The following AVEN variants were observed in gnomAD, a reference collection of about 807,000 sequenced individuals.
AVEN encodes the protein cell death regulator Aven.
In AVEN, 41 loss-of-function variants were observed where a neutral mutation model predicts 38.1. The ratio of observed to expected loss-of-function variants is 1.08; its 90% CI spans 0.84 to 1.40. The LOEUF is 1.40. AVEN is among the 40% of genes most tolerant of loss of function. The pLI, the probability that AVEN is intolerant of heterozygous loss-of-function variation, is 0.00. For synonymous variants in AVEN, 206 were observed against 171.8 expected (o/e 1.20, Z -1.56); for missense variants, 605 against 438.8 (o/e 1.38, Z -3.38).
At chr15:33,879,279 A>G (rs529479865) in intron 2 of AVEN, among the ~76,000 whole-genome samples, 9 of 151,584 alleles carry the variant, frequency 5.9e-5, no homozygotes, top group Non-Finnish European at 1.0e-4. Flanking sequence ...GGAAATCATC[A>G]TTCTCAGTAA....
At position 34,025,764 on chromosome 15, in the gene AVEN, G is replaced by GTGTGTGTT. The variant is rs1898435915; in HGVS notation, c.267+13008_267+13015dup. ...TGTTTTGGTTTGGTTTTGCGTGTGT[G>GTGTGTGTT]TGTGTGTTTGTGTGTGTGTGCGCAT... On this transcript the variant is annotated intron_variant, in intron 1 of 5. Transcript: ENST00000306730. Among the ~76,000 whole-genome samples the GTGTGTGTT allele has an allele frequency of 2.6e-5, 4 of 152,108 alleles. No individual in the cohort carries two copies. In the South Asian group the frequency reaches 6.2e-4, roughly 24 times the overall value.
rs377321444 is a variant in AVEN at position 33,869,825 on chromosome 15, CTTTTTTT to C, written c.612+1103_612+1109del. ...AAAATCAGTACGTCCCAAGGTTTCACTTTTTTTTTTTTTTTTGATCGTGCCAGAATGT... is the reference window on the plus strand; with the variant it reads ...AAAATCAGTACGTCCCAAGGTTTCACTTTTTTTTTGATCGTGCCAGAATGT... On this transcript the variant is annotated intron_variant, in intron 4 of 5. Coordinates refer to ENST00000306730, the MANE Select transcript of AVEN (RefSeq NM_020371.3). Among the ~76,000 whole-genome samples, 47 of 142,216 alleles carry C rather than the reference CTTTTTTT, an allele frequency of 3.3e-4. 1 individual carries two copies. The highest frequency in any genetic ancestry group is 3.1e-3 in the Admixed American group (44 of 14,296). 93.3% of individuals were successfully genotyped at this position (142,216 alleles called of 152,430 possible).
At chr15:33,851,948 T>C in the AVEN span, 1 of 152,160 alleles carries the variant, frequency 6.6e-6, no homozygotes, top group Non-Finnish European at 1.5e-5. Flanking sequence ...ACACCAGCAT[T>C]TGTTTTTGCT....
chr15:33,923,417 C>T (rs1445095473), intron 2 of AVEN, among the ~76,000 whole-genome samples: 1 of 152,128 alleles, frequency 6.6e-6, no homozygotes, highest in Non-Finnish European at 1.5e-5. Flanking sequence ...TCTGTGACTT[C>T]CAAATTACAA....
intron 2 of AVEN, among the ~76,000 whole-genome samples, chr15:33,920,735 A>T (rs2153047848): frequency 6.6e-6 from 1 of 152,238 alleles, no homozygotes; most frequent in East Asian, 1.9e-4. Context: ...TACATAAAAG[A>T]CACTTACATG....
intron 2 of AVEN, among the ~76,000 whole-genome samples, chr15:33,933,521 ACACAGAGAGAGAGAG>A: frequency 2.1e-5 from 1 of 48,238 alleles, no homozygotes; most frequent in East Asian, 7.8e-4. Flanking sequence ...ACACACACAC[ACACAGAGAGAGAGAG>A]AGAGAGAGAG....
chr15:33,883,173 AAAC>A (rs1168594950), intron 2 of AVEN, among the ~76,000 whole-genome samples: 7 of 152,186 alleles, frequency 4.6e-5, no homozygotes, highest in Admixed American at 2.0e-4. Flanking sequence ...AGAGCCAGCC[AAAC>A]AACATCTTGT....
At chr15:34,046,978 G>A (rs190707868) in intron 5 of AVEN, 1 of 152,330 alleles carries the variant, frequency 6.6e-6, no homozygotes, top group Non-Finnish European at 1.5e-5. Context: ...AGAGCCTTAG[G>A]TCCAACACAC....
At chr15:33,927,900 T>C (rs1420210408) in intron 2 of AVEN, among the ~76,000 whole-genome samples, 4 of 152,154 alleles carry the variant, frequency 2.6e-5, no homozygotes, top group Non-Finnish European at 4.4e-5. Context: ...CCTCTTGGTA[T>C]AGGAATAGCT....
chr15:34,018,037 G>A (rs1334694155), intron 1 of AVEN, among the ~76,000 whole-genome samples: 2 of 152,176 alleles, frequency 1.3e-5, no homozygotes, highest in African/African-American at 4.8e-5. Flanking sequence ...TACTGACAAT[G>A]ATACTAAATG....
chr15:33,899,541 C>G (rs1039655586), intron 2 of AVEN, among the ~76,000 whole-genome samples: 1 of 140,926 alleles, frequency 7.1e-6, no homozygotes, highest in African/African-American at 2.6e-5. Context: ...GCCATCTCAG[C>G]TCACCGCAAC....
At chr15:33,956,258 C>T (rs1344116769) in intron 2 of AVEN, among the ~76,000 whole-genome samples, 1 of 152,194 alleles carries the variant, frequency 6.6e-6, no homozygotes, top group Non-Finnish European at 1.5e-5. Context: ...GCTGGCCCTA[C>T]CTTTCCCATT....
chr15:33,899,349 C>A (rs1336783410), intron 2 of AVEN, among the ~76,000 whole-genome samples: 2 of 151,056 alleles, frequency 1.3e-5, no homozygotes, highest in Admixed American at 6.6e-5. Flanking sequence ...GGAGGGTCCT[C>A]AAAGATTTTG....
intron 1 of AVEN, chr15:34,006,952 G>T: frequency 1.8e-6 from 1 of 557,886 alleles, no homozygotes; most frequent in Non-Finnish European, 2.3e-6. Context: ...ATACTGATCA[G>T]AAAACAAGGT....
At chr15:33,913,382 C>G (rs1892990528) in intron 2 of AVEN, among the ~76,000 whole-genome samples, 1 of 152,124 alleles carries the variant, frequency 6.6e-6, no homozygotes, top group Non-Finnish European at 1.5e-5. Context: ...TAAAATTCCT[C>G]TATTAATGAG....
chr15:34,018,578 AC>A (rs1318627678), intron 1 of AVEN: 5 of 152,466 alleles, frequency 3.3e-5, no homozygotes, highest in African/African-American at 1.2e-4. Context: ...GGTGAGTGTT[AC>A]AGCTCATAAA....
At chr15:34,014,388 AAAC>A (rs1341854177) in intron 1 of AVEN, among the ~76,000 whole-genome samples, 1,365 of 114,192 alleles carry the variant, frequency 0.012, 219 homozygotes, top group Non-Finnish European at 0.017. Context: ...AAAAAAACAA[AAAC>A]AAAAACCACG....
chr15:33,941,226 T>G (rs79084555), intron 2 of AVEN, among the ~76,000 whole-genome samples: 5 of 152,234 alleles, frequency 3.3e-5, no homozygotes, highest in Admixed American at 3.3e-4. Context: ...GAACTCACTT[T>G]GGAAGGTACT....
intron 11 of AVEN, chr15:33,861,031 C>CCTATATTATGCCAACAAAT: frequency 7.5e-7 from 1 of 1,332,824 alleles, no homozygotes; most frequent in Non-Finnish European, 1.1e-6. Context: ...TTCTCTCCTG[C>CCTATATTATGCCAACAAAT]CTATATTATG....
Sources: allele counts gnomAD v4.1 joint callset (sites outside exome capture counted in the v4.1 genomes callset), GRCh38; gene constraint gnomAD v4.1.1; transcripts MANE v1.5; gene names NCBI Gene and HGNC (gene_info 2026-07-23, HGNC 2026-07-21).